Variants in VWF observed in about 807,000 individuals in gnomAD.
The protein encoded by VWF is Factor VIII related antigen.
Under a neutral mutation model 308.6 loss-of-function variants are expected in VWF, and 176 were observed. That is an observed-to-expected ratio of 0.57 (90% CI 0.50 to 0.65). The LOEUF is 0.65. Among genes scored for constraint, VWF ranks in the 30% least tolerant of loss-of-function variants. The pLI, the probability that VWF is intolerant of heterozygous loss-of-function variation, is 0.00. For missense variants in VWF, 3,146 were observed against 3,648.2 expected, an observed-to-expected ratio of 0.86 and a Z score of 3.55; for synonymous variants, 1,385 against 1,443.4, an observed-to-expected ratio of 0.96 and a Z score of 0.92.
chr12:6,095,566 G>C lies in VWF; in HGVS notation c.551C>G (p.Pro184Arg), dbSNP rs774705733. 3.7e-6 allele frequency: 6 copies of C among 1,614,224 alleles called. No individual in the cohort carries two copies. Among genetic ancestry groups the C allele is most frequent in the Admixed American group, 1.7e-5 (1 of 60,024 alleles). Residue 184 changes from proline to arginine, a missense_variant, in exon 6 of 52, where the codon CCT becomes CGT. Pro to Arg is a moderately radical substitution (Grantham distance 103, BLOSUM62 -2). Around this residue, in one of 3 missense-constraint regions of VWF, gnomAD observed 1,304 missense variants for 1,353.0 expected, o/e 0.96. Transcript: ENST00000261405. ...MTQEGTLTSD[P>R]YDFANSWALS... ...AGCCCATGAGTTGGCAAAGTCATAA[G>C]GGTCCGAGGTCAAGGTCCCTGTGGA...
chr12:5,964,254 A>G (rs10466904), intron 47 of VWF, among the ~76,000 whole-genome samples: 1,495 of 129,978 alleles, frequency 0.012, 20 homozygotes, highest in African/African-American at 0.038. Context: ...ATACATGCAT[A>G]CATACATACA....
At position 6,057,507 on chromosome 12, in the gene VWF, A is replaced by ATTG. The variant is rs1425667911; in HGVS notation, c.1729+341_1729+342insCAA. 2.1e-5 allele frequency among the ~76,000 whole-genome samples: 3 copies of ATTG among 144,440 alleles called. No homozygotes were observed. The East Asian group carries it at 6.0e-4, about 29-fold the overall frequency. 94.8% of individuals were successfully genotyped at this position (144,440 alleles called of 152,430 possible). On this transcript the variant is annotated intron_variant, in intron 14 of 51. Coordinates refer to ENST00000261405, the MANE Select transcript of VWF (RefSeq NM_000552.5). ...TATTATTATTATTATTATTATTATTATTATTATTATTATTATTATTTTAAT... is the reference window on the plus strand; with the variant it reads ...TATTATTATTATTATTATTATTATTATTGTTATTATTATTATTATTATTTTAAT...
chr12:5,976,464 T>C (rs1288662234), intron 42 of VWF, among the ~76,000 whole-genome samples: 2 of 152,158 alleles, frequency 1.3e-5, no homozygotes, highest in Non-Finnish European at 2.9e-5. Context: ...AGAAAAGCTA[T>C]GACCAGTCTC....
chr12:6,057,221 C>G, intron 14 of VWF, 149 bp from the exon 15 acceptor site: 1 of 675,478 alleles, frequency 1.5e-6, no homozygotes, highest in South Asian at 2.0e-5. Context: ...ACCCCCACCC[C>G]CAAGTCCATT....
In VWF at chr12:6,016,799, C is replaced by T. The variant is rs768448504; in HGVS notation, c.5125G>A (p.Glu1709Lys). Residue 1709 changes from glutamate (E) to lysine (K), a missense_variant, in exon 29 of 52, where the codon GAA becomes AAA. Physicochemically the swap from Glu to Lys is moderately conservative, Grantham distance 56. Around this residue, in one of 3 missense-constraint regions of VWF, gnomAD observed 853 missense variants for 1,177.8 expected, o/e 0.72. Coordinates refer to ENST00000261405, the MANE Select transcript of VWF (RefSeq NM_000552.5). Reference protein sequence around the residue: ...SSSFPASYFDEMKSFAKAFIS... With the variant: ...SSSFPASYFDKMKSFAKAFIS... ...AAAGCCTTGGCGAAACTCTTCATTT[C>T]ATCAAAATAAGAAGCTGGGAAACTG... is the stretch of plus-strand genomic sequence containing the variant. 1.9e-6 allele frequency: 3 copies of T among 1,613,982 alleles called. No individual in the cohort carries two copies. Among genetic ancestry groups the T allele is most frequent in the East Asian group, 2.2e-5 (1 of 44,896 alleles).
intron 18 of VWF, among the ~76,000 whole-genome samples, chr12:6,039,459 C>G (rs1038750857): frequency 1.3e-5 from 2 of 152,184 alleles, no homozygotes; most frequent in Non-Finnish European, 2.9e-5. Context: ...ATTCTCCTAC[C>G]CCATCAGTAC....
chr12:5,964,421 A>G (rs1943374573), intron 47 of VWF, among the ~76,000 whole-genome samples: 1 of 152,072 alleles, frequency 6.6e-6, no homozygotes, highest in Admixed American at 6.5e-5. Flanking sequence ...CCCAAAAAAC[A>G]GAAAGAACGT....
chr12:6,041,081 A>T (rs1305542352), intron 18 of VWF, among the ~76,000 whole-genome samples: 2 of 152,216 alleles, frequency 1.3e-5, no homozygotes, highest in African/African-American at 4.8e-5. Context: ...GTTATATGTC[A>T]TAAAAAGTGG....
intron 18 of VWF, among the ~76,000 whole-genome samples, chr12:6,038,253 A>C (rs1186986951): frequency 1.3e-5 from 2 of 152,200 alleles, no homozygotes; most frequent in African/African-American, 4.8e-5. Context: ...CCTGAGGCCC[A>C]CCACCTAGTG....
chr12:6,119,742 T>C (rs974807890), intron 3 of VWF, among the ~76,000 whole-genome samples: 1 of 152,160 alleles, frequency 6.6e-6, no homozygotes, highest in African/African-American at 2.4e-5. Context: ...CTTGGGAGGC[T>C]GAGGCAGGAG....
intron 34 of VWF, among the ~76,000 whole-genome samples, chr12:6,009,787 TATTCA>T (rs1341198454): frequency 6.6e-5 from 10 of 152,218 alleles, no homozygotes; most frequent in Non-Finnish European, 1.5e-5. Context: ...AATGGAATAC[TATTCA>T]GTCTTTAGAA....
chr12:5,999,369 G>A (rs904897944), intron 34 of VWF, among the ~76,000 whole-genome samples: 5 of 152,054 alleles, frequency 3.3e-5, no homozygotes, highest in African/African-American at 1.2e-4. Context: ...TGCTTGGAAA[G>A]TGACTGGAGA....
At chr12:6,000,333 A>T (rs1426044751) in intron 34 of VWF, among the ~76,000 whole-genome samples, 1 of 152,266 alleles carries the variant, frequency 6.6e-6, no homozygotes, top group Non-Finnish European at 1.5e-5. Context: ...CAGAATTTTC[A>T]AAAGCAATAT....
chr12:5,975,164 T>C (rs975012727), intron 43 of VWF, among the ~76,000 whole-genome samples: 2 of 152,218 alleles, frequency 1.3e-5, no homozygotes, highest in Non-Finnish European at 2.9e-5. Context: ...GCAAGTAGAA[T>C]AGCAGGTGAA....
At chr12:5,977,024 A>G (rs1002370260) in intron 42 of VWF, among the ~76,000 whole-genome samples, 1 of 152,224 alleles carries the variant, frequency 6.6e-6, no homozygotes, top group African/African-American at 2.4e-5. Flanking sequence ...TGTGAATGTC[A>G]TAATAGCAGT....
At chr12:5,951,788 G>A in intron 50 of VWF, 56 bp downstream of exon 50, 1 of 1,590,258 alleles carries the variant, frequency 6.3e-7, no homozygotes, top group Non-Finnish European at 8.6e-7. Flanking sequence ...GCTGCAAAGA[G>A]CCCCTGGACT....
At position 6,035,992 on chromosome 12, in the gene VWF, T is replaced by C. The variant is rs189532104; in HGVS notation, c.2546+396A>G. ...TTAAATACATATTTAAAATGTTGTA[T>C]AAACTTACCCTCAGGCAACGTGTAT... is the stretch of plus-strand genomic sequence containing the variant. On this transcript the variant is annotated intron_variant, in intron 19 of 51. Coordinates refer to ENST00000261405, the MANE Select transcript of VWF (RefSeq NM_000552.5). Among the ~76,000 whole-genome samples the C allele has an allele frequency of 1.6e-4, 24 of 152,352 alleles. No homozygotes were observed. The East Asian group carries it at 4.2e-3, about 27-fold the overall frequency.
intron 7 of VWF, 88 bp from the exon 8 acceptor site, chr12:6,073,829 G>T: frequency 6.3e-7 from 1 of 1,586,208 alleles, no homozygotes; most frequent in Non-Finnish European, 8.6e-7. Context: ...AGCCTCTCGT[G>T]CCCACTCTGA....
At chr12:5,994,634 G>A (rs764281078) in intron 35 of VWF, 27 bp from the exon 36 acceptor site, 22 of 1,610,366 alleles carry the variant, frequency 1.4e-5, no homozygotes, top group Middle Eastern at 1.7e-4. Flanking sequence ...GAGCTCATCC[G>A]TAGTCCTAGC....
Sources: allele counts gnomAD v4.1 joint callset (sites outside exome capture counted in the v4.1 genomes callset), GRCh38; gene constraint gnomAD v4.1.1; regional missense constraint gnomAD v4.1.1; transcripts MANE v1.5; gene names NCBI Gene and HGNC (gene_info 2026-07-23, HGNC 2026-07-21).